PRR16: variants seen among roughly 807,000 people sequenced by gnomAD.
PRR16 encodes the protein protein Largen.
In PRR16, 6 loss-of-function variants were observed where a neutral mutation model predicts 18.2. That is an observed-to-expected ratio of 0.33 (90% confidence interval 0.18 to 0.65). The LOEUF (loss-of-function observed/expected upper bound fraction) is 0.65, where lower values mean the gene tolerates loss of function less well. Among genes scored for constraint, PRR16 ranks in the 30% least tolerant of loss-of-function variants. The probability of loss-of-function intolerance (pLI) is 0.74; values close to 1 mark genes in which losing one functional copy is unlikely to be tolerated. For synonymous variants in PRR16, 151 were observed against 147.8 expected (o/e 1.02, Z -0.16); for missense variants, 412 against 376.6 (o/e 1.09, Z -0.78).
the PRR16 span, among the ~76,000 whole-genome samples, chr5:120,698,289 T>C: frequency 3.7e-4 from 56 of 152,006 alleles, 1 homozygote; most frequent in South Asian, 0.011. Context: ...GGTGATGGCC[T>C]GGATACAGTT....
chr5:120,720,193 G>A, the PRR16 span, among the ~76,000 whole-genome samples: 1 of 151,984 alleles, frequency 6.6e-6, no homozygotes, highest in African/African-American at 2.4e-5. Context: ...GTCAGTCTCT[G>A]TGAATGTGGC....
At chr5:120,769,433 T>C in the PRR16 span, among the ~76,000 whole-genome samples, 2 of 151,864 alleles carry the variant, frequency 1.3e-5, no homozygotes, top group Non-Finnish European at 2.9e-5. Flanking sequence ...ACTATGGCAC[T>C]ATATTGTACA....
chr5:120,594,631 C>T (rs1008383349), intron 1 of PRR16, among the ~76,000 whole-genome samples: 4 of 151,836 alleles, frequency 2.6e-5, no homozygotes, highest in Admixed American at 6.6e-5. Flanking sequence ...AAGAACAGAG[C>T]AAGAGCCCTA....
At chr5:120,474,497 A>T (rs1749373355) in intron 1 of PRR16, among the ~76,000 whole-genome samples, 1 of 152,202 alleles carries the variant, frequency 6.6e-6, no homozygotes, top group Non-Finnish European at 1.5e-5. Context: ...CATATTACTT[A>T]ATATTGTTTT....
chr5:120,506,194 T>G (rs1750640926), intron 1 of PRR16, among the ~76,000 whole-genome samples: 1 of 152,014 alleles, frequency 6.6e-6, no homozygotes, highest in South Asian at 2.1e-4. Flanking sequence ...TGAGTTACCA[T>G]GTGGGTATGC....
At chr5:120,664,134 A>G (rs1756275065) in intron 1 of PRR16, among the ~76,000 whole-genome samples, 1 of 152,072 alleles carries the variant, frequency 6.6e-6, no homozygotes, top group African/African-American at 2.4e-5. Flanking sequence ...CCCTGTCTTT[A>G]CTAAAAATAC....
chr5:120,674,683 T>C (rs1474564294), intron 1 of PRR16, among the ~76,000 whole-genome samples: 1 of 152,104 alleles, frequency 6.6e-6, no homozygotes, highest in Non-Finnish European at 1.5e-5. Context: ...CATGAAATTT[T>C]TATTCTTCCA....
chr5:120,547,997 A>C (rs529935932), intron 1 of PRR16, among the ~76,000 whole-genome samples: 2 of 152,206 alleles, frequency 1.3e-5, no homozygotes, highest in East Asian at 3.9e-4. Context: ...AACTATGATA[A>C]ATTATAGATT....
intron 1 of PRR16, among the ~76,000 whole-genome samples, chr5:120,663,421 A>C (rs1328464694): frequency 6.6e-6 from 1 of 151,280 alleles, no homozygotes; most frequent in Admixed American, 6.6e-5. Context: ...GCTGTTGAAA[A>C]GGTTAAAAAG....
intron 1 of PRR16, among the ~76,000 whole-genome samples, chr5:120,572,625 A>T (rs1752944348): frequency 6.6e-6 from 1 of 152,108 alleles, no homozygotes; most frequent in Admixed American, 6.6e-5. Context: ...ATTTAAATTA[A>T]TGGGACTACA....
At chr5:120,708,495 C>T in the PRR16 span, among the ~76,000 whole-genome samples, 3 of 152,106 alleles carry the variant, frequency 2.0e-5, no homozygotes, top group African/African-American at 4.8e-5. Context: ...GCATGAAATT[C>T]TCTCAAAACA....
At position 120,686,164 on chromosome 5, in the gene PRR16, C is replaced by T. The variant is rs1196027585; in HGVS notation, c.370C>T (p.Pro124Ser). The T allele has an allele frequency of 1.2e-6, 2 of 1,614,026 alleles. No homozygotes were observed. Among genetic ancestry groups the T allele is most frequent in the South Asian group, 1.1e-5 (1 of 91,090 alleles). ...GGTCCTGAGAAAGCCAAACCCTCCA[C>T]CACCTCCTCCAAGGTTGACACCTGT... ...LTVLRKPNPPPPPPRLTPVKC... is the reference protein window; with the variant it reads ...LTVLRKPNPPSPPPRLTPVKC... Residue 124 changes from proline to serine, a missense_variant, in exon 2 of 2, where the codon CCA (proline) becomes TCA (serine). By Grantham distance (74) the Pro-to-Ser change is moderately conservative. Coordinates refer to ENST00000407149, the MANE Select transcript of PRR16 (RefSeq NM_001300783.2).
At chr5:120,765,330 A>G in the PRR16 span, among the ~76,000 whole-genome samples, 1 of 152,108 alleles carries the variant, frequency 6.6e-6, no homozygotes, top group Admixed American at 6.6e-5. Flanking sequence ...TGATGATTCA[A>G]ATGTCCCTTG....
chr5:120,532,755 AC>A (rs1480447422), intron 1 of PRR16, among the ~76,000 whole-genome samples: 1 of 152,214 alleles, frequency 6.6e-6, no homozygotes, highest in Admixed American at 6.5e-5. Flanking sequence ...TTAAGAATTA[AC>A]TTTTAATTGT....
intron 1 of PRR16, among the ~76,000 whole-genome samples, chr5:120,657,540 C>G (rs1053872960): frequency 2.6e-5 from 4 of 151,894 alleles, no homozygotes; most frequent in African/African-American, 9.7e-5. Flanking sequence ...TAACAGAATG[C>G]TACCCACTTT....
chr5:120,767,797 A>C, the PRR16 span, among the ~76,000 whole-genome samples: 1 of 151,900 alleles, frequency 6.6e-6, no homozygotes, highest in East Asian at 1.9e-4. Flanking sequence ...TCACTGAAAC[A>C]AGGTTCTCAC....
the PRR16 span, among the ~76,000 whole-genome samples, chr5:120,779,449 T>C: frequency 6.6e-6 from 1 of 152,102 alleles, no homozygotes. Flanking sequence ...CAAACTATCC[T>C]CTGAACACCA....
chr5:120,734,421 A>C, the PRR16 span, among the ~76,000 whole-genome samples: 1 of 152,172 alleles, frequency 6.6e-6, no homozygotes, highest in African/African-American at 2.4e-5. Flanking sequence ...TTCACTAGGA[A>C]GGAAAGCCCT....
chr5:120,527,259 C>T (rs553371747), intron 1 of PRR16, among the ~76,000 whole-genome samples: 78 of 152,286 alleles, frequency 5.1e-4, no homozygotes, highest in African/African-American at 1.8e-3. Flanking sequence ...ACTTTTTGTA[C>T]GTAAGTCTAC....
Sources: allele counts gnomAD v4.1 joint callset (sites outside exome capture counted in the v4.1 genomes callset), GRCh38; gene constraint gnomAD v4.1.1; transcripts MANE v1.5; gene names NCBI Gene and HGNC (gene_info 2026-07-23, HGNC 2026-07-21).